The following SPTBN1 variants were observed in gnomAD, a reference collection of about 807,000 sequenced individuals.
SPTBN1 encodes spectrin beta, non-erythrocytic 1.
A neutral mutation model predicts 266.4 loss-of-function variants in SPTBN1; 32 were observed. The observed-to-expected ratio is 0.12, with a 90% CI of 0.09 to 0.16. The LOEUF (loss-of-function observed/expected upper bound fraction) is 0.16. SPTBN1 is among the 10% of genes least tolerant of loss of function. The pLI is 1.00. For missense variants in SPTBN1, 2,296 were observed against 3,067.1 expected, an observed-to-expected ratio of 0.75 and a Z score of 5.94; for synonymous variants, 1,336 against 1,162.2, an observed-to-expected ratio of 1.15 and a Z score of -3.04.
intron 3 of SPTBN1, among the ~76,000 whole-genome samples, chr2:54,604,655 T>C (rs554525064): frequency 5.3e-5 from 8 of 152,266 alleles, no homozygotes; most frequent in African/African-American, 1.9e-4. Context: ...TAGAGATGTT[T>C]ATGTAGCCCC....
chr2:54,656,263 G>A (rs1286850716), intron 29 of SPTBN1, among the ~76,000 whole-genome samples: 1 of 152,146 alleles, frequency 6.6e-6, no homozygotes, highest in African/African-American at 2.4e-5. Flanking sequence ...ACCTCCCTGG[G>A]AGAATACAGA....
chr2:54,597,045 G>T (rs1676138522), intron 2 of SPTBN1, among the ~76,000 whole-genome samples: 1 of 152,156 alleles, frequency 6.6e-6, no homozygotes, highest in Non-Finnish European at 1.5e-5. Context: ...TGTTTATTTA[G>T]AAATATTTTA....
Position 54,668,515 on chromosome 2 carries a change from G to GGACAAAGAGAAA in SPTBN1, c.7053_7064dup (p.Asp2352_Lys2355dup). ...AGTCCAGTCCCGGCAAGCGGGAAAA[G>GGACAAAGAGAAA]GACAAAGAGAAAGACAAAGAGAAGC... is the stretch of plus-strand genomic sequence containing the variant. On this transcript the variant is annotated inframe_insertion, in exon 36 of 36. Coordinates refer to ENST00000356805, the MANE Select transcript of SPTBN1 (RefSeq NM_003128.3). 1 of 1,614,178 alleles carries GGACAAAGAGAAA rather than the reference G, an allele frequency of 6.2e-7. No individual in the cohort carries two copies. Among genetic ancestry groups the GGACAAAGAGAAA allele is most frequent in the Non-Finnish European group, 8.5e-7 (1 of 1,180,026 alleles).
intron 3 of SPTBN1, 67 bp from the exon 4 acceptor site, chr2:54,612,094 C>T: frequency 6.9e-7 from 1 of 1,446,170 alleles, no homozygotes; most frequent in Non-Finnish European, 9.4e-7. Flanking sequence ...TGTGACTAGG[C>T]AGTAACTCGG....
At position 54,664,038 on chromosome 2, in the gene SPTBN1, C is replaced by G. The variant is rs964976160; in HGVS notation, c.6421-415C>G. 2 of 158,474 alleles carry G rather than the reference C, an allele frequency of 1.3e-5. No individual in the cohort carries two copies. Among genetic ancestry groups the G allele is most frequent in the African/African-American group, 4.8e-5 (2 of 41,586 alleles). The allele number at this position is 158,474 out of a possible 1,614,324, so 9.8% of individuals were successfully genotyped here. ...ATCGGTCTGTTTGTGAATGCCCTTT[C>G]GCTTAAACTTCCAGCCCTTCTGGTG... On this transcript the variant is annotated intron_variant, in intron 32 of 35. Transcript: ENST00000356805. The surrounding 1 kb of genome is among the most constrained non-coding windows in gnomAD (Gnocchi z 5.6).
At chr2:54,630,813 T>G in intron 15 of SPTBN1, 42 bp from the exon 16 acceptor site, 1 of 1,525,830 alleles carries the variant, frequency 6.6e-7, no homozygotes, top group Non-Finnish European at 8.8e-7. Flanking sequence ...CCATGGTCAG[T>G]CTTCCCTTTT....
Position 54,558,792 on chromosome 2 carries a change from G to A in SPTBN1, c.148+32226G>A. ...ACGCCGGGCATAATGGAATTGCAGA[G>A]GACGTCTAGTATCTCCGGGCCGCTG... On this transcript the variant is annotated intron_variant, in intron 2 of 35. Coordinates refer to ENST00000356805, the MANE Select transcript of SPTBN1 (RefSeq NM_003128.3). The surrounding 1 kb of genome is among the most constrained non-coding windows in gnomAD (Gnocchi z 4.6). 3.7e-6 allele frequency: 6 copies of A among 1,613,362 alleles called. No homozygotes were observed. Among genetic ancestry groups the A allele is most frequent in the Non-Finnish European group, 5.1e-6 (6 of 1,179,562 alleles).
At chr2:54,547,633 T>C (rs1672324278) in intron 2 of SPTBN1, among the ~76,000 whole-genome samples, 3 of 152,242 alleles carry the variant, frequency 2.0e-5, no homozygotes, top group Non-Finnish European at 1.5e-5. Flanking sequence ...TAGAATGTTA[T>C]TCAAAATACG....
At position 54,553,860 on chromosome 2, in the gene SPTBN1, C is replaced by T. The variant is rs1167352698; in HGVS notation, c.148+27294C>T. Among the ~76,000 whole-genome samples, 4 of 152,280 alleles carry T rather than the reference C, an allele frequency of 2.6e-5. No homozygotes were observed. The East Asian group carries it at 7.7e-4, about 29-fold the overall frequency. On this transcript the variant is annotated intron_variant, in intron 2 of 35. Coordinates refer to ENST00000356805, the MANE Select transcript of SPTBN1 (RefSeq NM_003128.3). ...CAAGCTTGCTGTAATGCAGGAAAAG[C>T]ATTCATCTTTCTTTCCCCTCAAGAC... is the stretch of plus-strand genomic sequence containing the variant.
Position 54,655,554 on chromosome 2 carries a change from A to G in SPTBN1, c.5961+346A>G, listed in dbSNP as rs146507723. Among the ~76,000 whole-genome samples, 15 of 152,306 alleles carry G rather than the reference A, an allele frequency of 9.8e-5. No homozygotes were observed. The East Asian group carries it at 2.9e-3, about 29-fold the overall frequency. On this transcript the variant is annotated intron_variant, in intron 28 of 35. Coordinates refer to ENST00000356805, the MANE Select transcript of SPTBN1 (RefSeq NM_003128.3). ...TGATTCTGGTTAGGATGGTGGTAATAAAGAGGTAAATTATTAGGTGCGTGT... is the reference window on the plus strand; with the variant it reads ...TGATTCTGGTTAGGATGGTGGTAATGAAGAGGTAAATTATTAGGTGCGTGT...
intron 2 of SPTBN1, among the ~76,000 whole-genome samples, chr2:54,597,758 C>G (rs557376437): frequency 2.8e-4 from 43 of 152,230 alleles, no homozygotes; most frequent in African/African-American, 9.9e-4. Context: ...ACCTGAGAAC[C>G]CAGTACTCTC....
intron 2 of SPTBN1, among the ~76,000 whole-genome samples, chr2:54,538,569 C>T (rs1671752829): frequency 6.6e-6 from 1 of 152,216 alleles, no homozygotes; most frequent in African/African-American, 2.4e-5. Context: ...AGAAATACAT[C>T]TGTTTTCTAC....
At chr2:54,560,951 A>G (rs961186891) in intron 2 of SPTBN1, among the ~76,000 whole-genome samples, 1 of 152,194 alleles carries the variant, frequency 6.6e-6, no homozygotes, top group Non-Finnish European at 1.5e-5. Context: ...TTTAATTCCC[A>G]TCCCTGGTTT....
chr2:54,643,383 G>T (rs1412403915), intron 19 of SPTBN1, among the ~76,000 whole-genome samples: 1 of 152,194 alleles, frequency 6.6e-6, no homozygotes, highest in Non-Finnish European at 1.5e-5. Flanking sequence ...TTTAGTTTCT[G>T]TTGTGCCTCT....
intron 29 of SPTBN1, 152 bp from the exon 30 acceptor site, chr2:54,657,695 CATT>C: frequency 1.2e-6 from 1 of 831,486 alleles, no homozygotes. Flanking sequence ...GTGTGGCTCA[CATT>C]ACATTTACAT....
chr2:54,489,688 G>C (rs1326673790), intron 1 of SPTBN1, among the ~76,000 whole-genome samples: 3 of 152,112 alleles, frequency 2.0e-5, no homozygotes, highest in African/African-American at 7.2e-5. Context: ...GACAGAGAGA[G>C]GGCACCCTGT....
chr2:54,659,417 T>A (rs914081541), intron 31 of SPTBN1, 151 bp downstream of exon 31: 1 of 750,178 alleles, frequency 1.3e-6, no homozygotes, highest in Non-Finnish European at 2.2e-6. Flanking sequence ...TGTACAGTTA[T>A]CCCTAAATAA....
intron 1 of SPTBN1, among the ~76,000 whole-genome samples, chr2:54,466,533 G>T (rs1230571666): frequency 4.9e-5 from 1 of 20,544 alleles, no homozygotes; most frequent in Non-Finnish European, 6.6e-5. Context: ...CTGCACTCCA[G>T]CCTGGGCGAC....
chr2:54,496,266 C>T (rs544092669), intron 1 of SPTBN1, among the ~76,000 whole-genome samples: 6 of 151,944 alleles, frequency 3.9e-5, no homozygotes, highest in African/African-American at 9.7e-5. Context: ...AGTGAAACCC[C>T]GTCTCTACTA....
Sources: allele counts gnomAD v4.1 joint callset (sites outside exome capture counted in the v4.1 genomes callset), GRCh38; gene constraint gnomAD v4.1.1; non-coding constraint Gnocchi (gnomAD v3.1); transcripts MANE v1.5; gene names NCBI Gene and HGNC (gene_info 2026-07-23, HGNC 2026-07-21).